Variants in PRPH2 observed in about 807,000 individuals in gnomAD.
PRPH2 encodes peripherin-2.
PRPH2 carries 17 observed loss-of-function variants against 31.3 expected under a neutral mutation model. The ratio of observed to expected loss-of-function variants is 0.54; its 90% CI spans 0.37 to 0.81. The LOEUF is 0.81. PRPH2 is among the 40% of genes least tolerant of loss of function. The probability of loss-of-function intolerance (pLI) is 0.00; values close to 1 mark genes in which losing one functional copy is unlikely to be tolerated. For missense variants in PRPH2, 430 were observed against 439.7 expected, an observed-to-expected ratio of 0.98 and a Z score of 0.20; for synonymous variants, 165 against 184.4, an observed-to-expected ratio of 0.89 and a Z score of 0.85.
intron 2 of PRPH2, among the ~76,000 whole-genome samples, chr6:42,699,762 G>A (rs376823910): frequency 2.0e-4 from 31 of 152,104 alleles, no homozygotes; most frequent in South Asian, 8.3e-4. Flanking sequence ...GTGTGGTGGC[G>A]CGTGCCTGTA....
intron 1 of PRPH2, chr6:42,711,838 G>A: frequency 4.1e-6 from 4 of 985,426 alleles, no homozygotes; most frequent in Non-Finnish European, 3.6e-6. Flanking sequence ...GGGGACCCCA[G>A]GCTGGGCCTT....
intron 1 of PRPH2, among the ~76,000 whole-genome samples, chr6:42,705,377 G>C (rs1453138199): frequency 1.3e-5 from 2 of 151,354 alleles, no homozygotes; most frequent in Admixed American, 1.3e-4. Context: ...CTGGCCTGGG[G>C]GTGATTACCC....
At chr6:42,721,532 G>A (rs1168511545) in intron 1 of PRPH2, among the ~76,000 whole-genome samples, 4 of 152,280 alleles carry the variant, frequency 2.6e-5, no homozygotes, top group African/African-American at 9.6e-5. Flanking sequence ...GCCAATGTTA[G>A]GTTGAACCCT....
At chr6:42,714,197 A>G (rs1411061210) in intron 1 of PRPH2, among the ~76,000 whole-genome samples, 1 of 152,206 alleles carries the variant, frequency 6.6e-6, no homozygotes, top group Non-Finnish European at 1.5e-5. Flanking sequence ...ACGCTACAAC[A>G]TGGATTAATT....
chr6:42,720,921 GTCTC>G (rs1761891519), intron 1 of PRPH2, among the ~76,000 whole-genome samples: 1 of 152,212 alleles, frequency 6.6e-6, no homozygotes, highest in Non-Finnish European at 1.5e-5. Flanking sequence ...GTGGTCGAGA[GTCTC>G]TCTCTCACCA....
Position 42,708,043 on chromosome 6 carries a change from A to G in PRPH2, c.582-3432T>C, listed in dbSNP as rs148904198. Among the ~76,000 whole-genome samples, 4 of 152,352 alleles carry G rather than the reference A, an allele frequency of 2.6e-5. No homozygotes were observed. In the East Asian group the frequency reaches 7.7e-4, roughly 29 times the overall value. Reference sequence around the variant, plus strand: ...TTGAAGAGTGCTGGTATTAATACATAGTAGCCATGCGCTGTGAGCAAAAGC... The same window carrying G: ...TTGAAGAGTGCTGGTATTAATACATGGTAGCCATGCGCTGTGAGCAAAAGC... On this transcript the variant is annotated intron_variant, in intron 1 of 2. Transcript: ENST00000230381.
In PRPH2 at chr6:42,697,346, A is replaced by C. The variant is rs1799961673; in HGVS notation, c.*949T>G. 1 of 152,124 alleles carries C rather than the reference A, an allele frequency of 6.6e-6. No individual in the cohort carries two copies. Among genetic ancestry groups the C allele is most frequent in the South Asian group, 2.1e-4 (1 of 4,816 alleles). 9.4% of individuals were successfully genotyped at this position (152,124 alleles called of 1,614,324 possible). A position where few individuals can be genotyped will look rare whatever the true frequency, so the allele number is the denominator to read the frequency against. ...GAGGATTCCTTGCCCTTTGCTGTGG[A>C]CAATTAGTGTTGTCCATGGGGCTGT... is the stretch of plus-strand genomic sequence containing the variant. On this transcript the variant is annotated 3_prime_UTR_variant, in exon 3 of 3. Coordinates refer to ENST00000230381, the MANE Select transcript of PRPH2 (RefSeq NM_000322.5).
At chr6:42,718,553 C>T (rs1396523439) in intron 1 of PRPH2, among the ~76,000 whole-genome samples, 2 of 152,086 alleles carry the variant, frequency 1.3e-5, no homozygotes, top group African/African-American at 4.8e-5. Flanking sequence ...AGACTGCACC[C>T]TTGGAAGAAC....
At chr6:42,720,846 G>A (rs999546623) in intron 1 of PRPH2, among the ~76,000 whole-genome samples, 3 of 152,234 alleles carry the variant, frequency 2.0e-5, no homozygotes, top group Non-Finnish European at 2.9e-5. Context: ...CGAGCCCCAG[G>A]TTGGTGGGTG....
Position 42,704,567 on chromosome 6 carries a change from A to C in PRPH2, c.626T>G (p.Val209Gly), listed in dbSNP as rs1220783333. Residue 209 changes from valine (V) to glycine (G), a missense_variant, in exon 2 of 3, where the codon GTC becomes GGC. Coordinates refer to ENST00000230381, the MANE Select transcript of PRPH2 (RefSeq NM_000322.5). ...GCTAGGATTGCAGCAGCTGAAAGGG[A>C]CGCCGTCCACCAGGTACCGCCCATC... ...NVDGRYLVDG[V>G]PFSCCNPSSP... is the part of the protein sequence containing the mutation. The C allele has an allele frequency of 6.2e-7, 1 of 1,613,980 alleles. No homozygotes were observed. The highest frequency in any genetic ancestry group is 1.1e-5 in the South Asian group (1 of 91,058).
At chr6:42,701,378 C>T (rs1800042269) in intron 2 of PRPH2, among the ~76,000 whole-genome samples, 1 of 152,114 alleles carries the variant, frequency 6.6e-6, no homozygotes, top group East Asian at 1.9e-4. Flanking sequence ...CCGCCTCGGC[C>T]TCCCAAAGTG....
intron 1 of PRPH2, among the ~76,000 whole-genome samples, chr6:42,714,842 C>G (rs1418332928): frequency 6.6e-6 from 1 of 152,000 alleles, no homozygotes; most frequent in South Asian, 2.1e-4. Flanking sequence ...TTTTTTGTCT[C>G]CCCCACTTCC....
rs1007224200 is a variant in PRPH2 at position 42,696,765 on chromosome 6, A to C, written c.*1530T>G. 14 of 152,038 alleles carry C rather than the reference A, an allele frequency of 9.2e-5. No individual in the cohort carries two copies. The highest frequency in any genetic ancestry group is 2.9e-4 in the African/African-American group (12 of 41,386). 9.4% of individuals were successfully genotyped at this position (152,038 alleles called of 1,614,324 possible). A position where few individuals can be genotyped will look rare whatever the true frequency, so the allele number is the denominator to read the frequency against. On this transcript the variant is annotated 3_prime_UTR_variant, in exon 3 of 3. Transcript: ENST00000230381. Reference sequence around the variant, plus strand: ...CTGGCTCAGCATTTTTTCAGTATGGATCATTCCTTGGCCTCAACGAGATTC... The same window carrying C: ...CTGGCTCAGCATTTTTTCAGTATGGCTCATTCCTTGGCCTCAACGAGATTC...
intron 1 of PRPH2, among the ~76,000 whole-genome samples, chr6:42,705,599 AATATATATATATATAT>A (rs1194169404): frequency 1.1e-3 from 24 of 21,594 alleles, no homozygotes; most frequent in African/African-American, 2.4e-3. Context: ...AAAAAAAAAA[AATATATATATATATAT>A]ATATATATAT....
chr6:42,710,073 G>C (rs184403574), intron 1 of PRPH2, among the ~76,000 whole-genome samples: 1 of 152,266 alleles, frequency 6.6e-6, no homozygotes. Context: ...TCGCCTCCCT[G>C]AGCCCCCAGA....
intron 1 of PRPH2, among the ~76,000 whole-genome samples, chr6:42,718,188 G>A (rs1226947329): frequency 1.3e-5 from 2 of 149,842 alleles, no homozygotes; most frequent in Non-Finnish European, 2.9e-5. Context: ...GCTCACGTCT[G>A]TAGTCCCAGG....
Position 42,698,019 on chromosome 6 carries a change from C to T in PRPH2, c.*276G>A, listed in dbSNP as rs76754927. On this transcript the variant is annotated 3_prime_UTR_variant, in exon 3 of 3. Transcript: ENST00000230381. ...TGGGCTAGTCGTCTGAGACAGCCCC[C>T]GAGTCACCAGGAGGGCATATCCTAG... is the stretch of plus-strand genomic sequence containing the variant. 13 of 479,094 alleles carry T rather than the reference C, an allele frequency of 2.7e-5. No individual in the cohort carries two copies. The highest frequency in any genetic ancestry group is 4.0e-5 in the East Asian group (1 of 24,774). The allele number at this position is 479,094 out of a possible 1,614,324, so 29.7% of individuals were successfully genotyped here.
chr6:42,701,563 C>A (rs2152004515), intron 2 of PRPH2, among the ~76,000 whole-genome samples: 1 of 152,070 alleles, frequency 6.6e-6, no homozygotes, highest in South Asian at 2.1e-4. Flanking sequence ...TGAGCCACCG[C>A]TCCTGGCTCC....
intron 1 of PRPH2, among the ~76,000 whole-genome samples, chr6:42,706,188 G>A (rs1312345846): frequency 4.6e-4 from 69 of 150,564 alleles, no homozygotes; most frequent in African/African-American, 1.6e-3. Flanking sequence ...GGTGGATCAC[G>A]AGGTCAGGAG....
Sources: allele counts gnomAD v4.1 joint callset (sites outside exome capture counted in the v4.1 genomes callset), GRCh38; gene constraint gnomAD v4.1.1; transcripts MANE v1.5; gene names NCBI Gene and HGNC (gene_info 2026-07-23, HGNC 2026-07-21).